DPYD: variants seen among roughly 807,000 people sequenced by gnomAD.
DPYD encodes the protein dihydropyrimidine dehydrogenase.
Under a neutral mutation model 116.2 loss-of-function variants are expected in DPYD, and 109 were observed. That is an observed-to-expected ratio of 0.94 (90% CI 0.80 to 1.10). DPYD has a LOEUF of 1.10. DPYD is among the 50% of genes least tolerant of loss of function. The probability of loss-of-function intolerance (pLI) is 0.00; values close to 1 mark genes in which losing one functional copy is unlikely to be tolerated. For synonymous variants in DPYD, 440 were observed against 432.0 expected (o/e 1.02, Z -0.23); for missense variants, 1,302 against 1,254.5 (o/e 1.04, Z -0.57).
chr1:97,519,909 G>C (rs1436025925), intron 12 of DPYD, among the ~76,000 whole-genome samples: 1 of 151,966 alleles, frequency 6.6e-6, no homozygotes, highest in Admixed American at 6.6e-5. Flanking sequence ...TGTCATTACA[G>C]AGAAATTATT....
chr1:97,262,963 A>G (rs903501052), intron 18 of DPYD, among the ~76,000 whole-genome samples: 4 of 152,110 alleles, frequency 2.6e-5, no homozygotes, highest in Admixed American at 6.6e-5. Flanking sequence ...CAAAGCCAAA[A>G]TAAATGGGGT....
At chr1:97,203,346 A>T in intron 19 of DPYD, among the ~76,000 whole-genome samples, 1 of 152,072 alleles carries the variant, frequency 6.6e-6, no homozygotes, top group East Asian at 1.9e-4. Context: ...AACAGAGTCA[A>T]CACAGCTGGG....
At chr1:97,380,775 T>C (rs1485089254) in intron 15 of DPYD, among the ~76,000 whole-genome samples, 1 of 152,192 alleles carries the variant, frequency 6.6e-6, no homozygotes, top group African/African-American at 2.4e-5. Context: ...AATATGTTTT[T>C]GTTGGTTTGT....
At position 97,271,520 on chromosome 1, in the gene DPYD, G is replaced by A. The variant is rs1664582026; in HGVS notation, c.2299+33739C>T. ...CTTAGAAGAGGTAATGTGTACTGGAGGAAAAATTGTAATAAAGATCAAAGA... is the reference window on the plus strand; with the variant it reads ...CTTAGAAGAGGTAATGTGTACTGGAAGAAAAATTGTAATAAAGATCAAAGA... On this transcript the variant is annotated intron_variant, in intron 18 of 22. Coordinates refer to ENST00000370192, the MANE Select transcript of DPYD (RefSeq NM_000110.4). 2.0e-5 allele frequency among the ~76,000 whole-genome samples: 3 copies of A among 152,012 alleles called. No homozygotes were observed. In the South Asian group the frequency reaches 6.2e-4, roughly 32 times the overall value.
intron 20 of DPYD, among the ~76,000 whole-genome samples, chr1:97,176,899 G>GTGTGTGTA (rs933971129): frequency 4.1e-4 from 14 of 34,538 alleles, no homozygotes; most frequent in Non-Finnish European, 6.1e-4. Context: ...TGTGTGTGTA[G>GTGTGTGTA]GGGGGGTGTC....
intron 13 of DPYD, among the ~76,000 whole-genome samples, chr1:97,513,236 TA>T (rs1647944045): frequency 6.7e-6 from 1 of 150,222 alleles, no homozygotes; most frequent in African/African-American, 2.4e-5. Flanking sequence ...CCCAAAAAAA[TA>T]AAAAAAGGGA....
intron 15 of DPYD, among the ~76,000 whole-genome samples, chr1:97,380,566 T>C (rs1254849247): frequency 6.6e-6 from 1 of 152,228 alleles, no homozygotes; most frequent in Non-Finnish European, 1.5e-5. Context: ...CTCCATTGTG[T>C]AATTCAAGAA....
intron 13 of DPYD, among the ~76,000 whole-genome samples, chr1:97,498,647 T>C (rs1293822831): frequency 6.6e-6 from 1 of 151,740 alleles, no homozygotes; most frequent in Non-Finnish European, 1.5e-5. Context: ...TTAAAAATTA[T>C]TTTACATTTT....
intron 16 of DPYD, among the ~76,000 whole-genome samples, chr1:97,315,974 C>A (rs1469221637): frequency 6.6e-6 from 1 of 151,968 alleles, no homozygotes; most frequent in Non-Finnish European, 1.5e-5. Flanking sequence ...AGTTTGGACA[C>A]TTACTTGATC....
intron 1 of DPYD, among the ~76,000 whole-genome samples, chr1:97,916,423 T>C (rs1042855012): frequency 3.3e-5 from 5 of 152,162 alleles, no homozygotes; most frequent in Non-Finnish European, 1.5e-5. Context: ...AGTGAGAACA[T>C]GCGGTGTTTG....
chr1:97,675,898 A>G (rs1307957891), intron 8 of DPYD, among the ~76,000 whole-genome samples: 1 of 151,720 alleles, frequency 6.6e-6, no homozygotes, highest in Admixed American at 6.6e-5. Context: ...ACAGGTGCAC[A>G]CCACCACACC....
intron 21 of DPYD, among the ~76,000 whole-genome samples, chr1:97,094,976 A>C (rs1194316451): frequency 6.6e-6 from 1 of 152,156 alleles, no homozygotes; most frequent in African/African-American, 2.4e-5. Flanking sequence ...AGAAGGAAAA[A>C]GGAATCATAT....
intron 1 of DPYD, among the ~76,000 whole-genome samples, chr1:97,915,928 T>G (rs963406406): frequency 6.6e-6 from 1 of 152,186 alleles, no homozygotes. Context: ...CATTGTCTTC[T>G]AGTTTTAGTG....
intron 13 of DPYD, among the ~76,000 whole-genome samples, chr1:97,457,254 C>T (rs1337265255): frequency 6.6e-6 from 1 of 152,108 alleles, no homozygotes; most frequent in South Asian, 2.1e-4. Flanking sequence ...GAGTTTTACT[C>T]ACATATTCTC....
chr1:97,216,835 T>G (rs969562867), intron 19 of DPYD, among the ~76,000 whole-genome samples: 5 of 151,908 alleles, frequency 3.3e-5, no homozygotes, highest in Non-Finnish European at 5.9e-5. Context: ...AGGATGCAGA[T>G]TTCCAATTGA....
At chr1:97,535,338 C>T (rs1426686527) in intron 12 of DPYD, among the ~76,000 whole-genome samples, 3 of 152,082 alleles carry the variant, frequency 2.0e-5, no homozygotes, top group Non-Finnish European at 4.4e-5. Flanking sequence ...TGCTACATTG[C>T]CATTAGACCC....
chr1:97,525,663 A>G (rs2786770), intron 12 of DPYD, among the ~76,000 whole-genome samples: 96,330 of 151,832 alleles, frequency 0.63, 30,678 homozygotes, highest in East Asian at 0.75. Flanking sequence ...TGATTCTAAC[A>G]TAGAGTGGCA....
chr1:97,397,019 G>C (rs1043279903), intron 14 of DPYD, among the ~76,000 whole-genome samples: 1 of 152,022 alleles, frequency 6.6e-6, no homozygotes, highest in African/African-American at 2.4e-5. Context: ...CTCAATGTGA[G>C]AACATGCTAA....
At chr1:97,716,281 T>C (rs1483097150) in intron 5 of DPYD, among the ~76,000 whole-genome samples, 1 of 152,008 alleles carries the variant, frequency 6.6e-6, no homozygotes, top group African/African-American at 2.4e-5. Flanking sequence ...CCTTAAGAAA[T>C]ATCCCATCAT....
Sources: gnomAD v4.1 joint callset for allele counts (sites outside exome capture counted in the v4.1 genomes callset) on GRCh38, gnomAD v4.1.1 for gene constraint, MANE v1.5 for transcripts, NCBI Gene and HGNC (gene_info 2026-07-23, HGNC 2026-07-21) for gene names.